WDR53: variants seen among roughly 807,000 people sequenced by gnomAD.
The protein encoded by WDR53 is WD repeat domain 53, also known as WD repeat-containing protein 53.
WDR53 carries 19 observed loss-of-function variants against 21.3 expected under a neutral mutation model. The ratio of observed to expected loss-of-function variants is 0.89; its 90% CI spans 0.62 to 1.31. WDR53 has a LOEUF of 1.31. WDR53 is among the 50% of genes most tolerant of loss of function. WDR53 has a pLI of 0.00. For missense variants in WDR53, 374 were observed against 423.2 expected, an observed-to-expected ratio of 0.88 and a Z score of 1.02; for synonymous variants, 157 against 163.4, an observed-to-expected ratio of 0.96 and a Z score of 0.30.
At chr3:196,561,632 A>C in intron 2 of WDR53, 141 bp from the exon 3 acceptor site, 1 of 962,134 alleles carries the variant, frequency 1.0e-6, no homozygotes, top group Non-Finnish European at 1.4e-6. Flanking sequence ...TAAAAAAAAA[A>C]AAGACACTTA....
At chr3:196,554,874 T>G (rs1270740086) in intron 3 of WDR53, 67 bp from the exon 4 acceptor site, 2 of 1,304,380 alleles carry the variant, frequency 1.5e-6, no homozygotes, top group East Asian at 4.6e-5. Flanking sequence ...ATCATGCTTA[T>G]TCAGCTTCTA....
intron 1 of WDR53, 92 bp downstream of exon 1, chr3:196,568,427 G>C (rs568776826): frequency 8.5e-5 from 13 of 153,298 alleles, no homozygotes; most frequent in Admixed American, 7.8e-4. Context: ...AGCAGACGCG[G>C]AGCCACCAGA....
intron 2 of WDR53, among the ~76,000 whole-genome samples, chr3:196,565,551 G>A (rs1302850050): frequency 6.8e-6 from 1 of 146,582 alleles, no homozygotes; most frequent in Non-Finnish European, 1.5e-5. Flanking sequence ...CTGGGTGAGA[G>A]TCGGGGTGAG....
chr3:196,559,662 C>G (rs1312439166), intron 3 of WDR53, among the ~76,000 whole-genome samples: 1 of 152,138 alleles, frequency 6.6e-6, no homozygotes, highest in African/African-American at 2.4e-5. Context: ...AGATTAAATG[C>G]CTGAACAGTG....
chr3:196,557,371 C>G (rs1734422453), intron 3 of WDR53, among the ~76,000 whole-genome samples: 1 of 152,134 alleles, frequency 6.6e-6, no homozygotes, highest in Non-Finnish European at 1.5e-5. Flanking sequence ...GGAGCCAGCC[C>G]TCCTCTGCAG....
intron 2 of WDR53, among the ~76,000 whole-genome samples, chr3:196,562,554 GC>G (rs1296264307): frequency 6.6e-6 from 1 of 152,104 alleles, no homozygotes; most frequent in African/African-American, 2.4e-5. Context: ...GAGCCACCAC[GC>G]CCGGCTGCAA....
intron 3 of WDR53, among the ~76,000 whole-genome samples, chr3:196,556,481 T>C (rs895205696): frequency 3.3e-5 from 5 of 151,844 alleles, no homozygotes; most frequent in South Asian, 2.1e-4. Context: ...ACAGTGAAAC[T>C]GCATCTCTAC....
chr3:196,564,536 T>C (rs1735198740), intron 2 of WDR53, among the ~76,000 whole-genome samples: 1 of 151,520 alleles, frequency 6.6e-6, no homozygotes, highest in African/African-American at 2.4e-5. Context: ...ATTTTTTGTA[T>C]TTTTTTTGTA....
chr3:196,557,138 G>C (rs1213675366), intron 3 of WDR53, among the ~76,000 whole-genome samples: 1 of 152,204 alleles, frequency 6.6e-6, no homozygotes, highest in Non-Finnish European at 1.5e-5. Context: ...AAAAAGTGGG[G>C]AACCAGCAAA....
rs1249849205 is a variant in WDR53 at position 196,554,561 on chromosome 3, C to T, written c.727G>A (p.Gly243Arg). 14 of 1,614,120 alleles carry T rather than the reference C, an allele frequency of 8.7e-6. No individual in the cohort carries two copies. Among genetic ancestry groups the T allele is most frequent in the Non-Finnish European group, 1.2e-5 (14 of 1,179,994 alleles). The change falls in exon 4 of 4, where the codon GGG becomes AGG. Residue 243 changes from glycine to arginine, a missense_variant. By Grantham distance (125) the Gly-to-Arg change is moderately radical. Transcript: ENST00000332629. ...GGGAGAAAGCAGACCTGGGATACCC[C>T]TGAAGTGTGGCCCTTAAATCCCAGT... ...QELGFKGHTS[G>R]VSQVCFLPES... is the part of the protein sequence containing the mutation.
Position 196,554,566 on chromosome 3 carries a change from G to A in WDR53, c.722C>T (p.Thr241Ile). 1.9e-6 allele frequency: 3 copies of A among 1,614,074 alleles called. No homozygotes were observed. The highest frequency in any genetic ancestry group is 2.5e-6 in the Non-Finnish European group (3 of 1,179,962). The change falls in exon 4 of 4, where the codon ACT (threonine) becomes ATT (isoleucine). Residue 241 changes from threonine (T) to isoleucine (I), a missense_variant. By Grantham distance (89) the Thr-to-Ile change is moderately conservative. Coordinates refer to ENST00000332629, the MANE Select transcript of WDR53 (RefSeq NM_182627.3). ...CEQELGFKGH[T>I]SGVSQVCFLP... Reference sequence around the variant, plus strand: ...AAAGCAGACCTGGGATACCCCTGAAGTGTGGCCCTTAAATCCCAGTTCCTG... The same window carrying A: ...AAAGCAGACCTGGGATACCCCTGAAATGTGGCCCTTAAATCCCAGTTCCTG...
intron 2 of WDR53, among the ~76,000 whole-genome samples, chr3:196,564,962 T>C (rs1450981012): frequency 6.6e-6 from 1 of 152,190 alleles, no homozygotes; most frequent in African/African-American, 2.4e-5. Context: ...TTTAATTCTT[T>C]TCTAGAAAAG....
chr3:196,564,551 T>C (rs143298872), intron 2 of WDR53, among the ~76,000 whole-genome samples: 1 of 151,696 alleles, frequency 6.6e-6, no homozygotes, highest in East Asian at 1.9e-4. Flanking sequence ...TTTGTAGAGA[T>C]GAGGTTTCCC....
intron 2 of WDR53, among the ~76,000 whole-genome samples, chr3:196,562,348 G>A (rs879122164): frequency 1.3e-5 from 2 of 152,090 alleles, no homozygotes; most frequent in Non-Finnish European, 2.9e-5. Flanking sequence ...TGCAACCTCC[G>A]CCTCCCGGGT....
At chr3:196,562,297 C>T (rs535751593) in intron 2 of WDR53, among the ~76,000 whole-genome samples, 4 of 152,126 alleles carry the variant, frequency 2.6e-5, no homozygotes, top group South Asian at 4.1e-4. Context: ...GTCTCGCTGC[C>T]GTTAGCCCGG....
At chr3:196,564,864 C>T (rs1577579916) in intron 2 of WDR53, among the ~76,000 whole-genome samples, 1 of 152,310 alleles carries the variant, frequency 6.6e-6, no homozygotes, top group South Asian at 2.1e-4. Flanking sequence ...GTTTCTAGTG[C>T]TCCTGTTTCT....
At chr3:196,555,055 T>C (rs73081008) in intron 3 of WDR53, among the ~76,000 whole-genome samples, 2,639 of 152,210 alleles carry the variant, frequency 0.017, 77 homozygotes, top group African/African-American at 0.061. Context: ...ATTAATAAAC[T>C]CCATTAAAGT....
Position 196,561,173 on chromosome 3 carries a change from T to C in WDR53, c.303A>G (p.Ser101=). 3 of 1,614,238 alleles carry C rather than the reference T, an allele frequency of 1.9e-6. No homozygotes were observed. Among genetic ancestry groups the C allele is most frequent in the Non-Finnish European group, 1.7e-6 (2 of 1,180,044 alleles). Residue 101 remains serine (S), a synonymous_variant, in exon 3 of 4, where the codon TCA becomes TCG. Coordinates refer to ENST00000332629, the MANE Select transcript of WDR53 (RefSeq NM_182627.3). The part of the protein sequence containing the change: ...HVNEEEINCL[S]LNQTENLLAS... ...CCAGCAGGTTTTCCGTTTGATTCAA[T>C]GAAAGACAATTGATTTCTTCTTCAT...
chr3:196,556,192 C>T lies in WDR53; in HGVS notation c.481-1385G>A, dbSNP rs143075342. 2.0e-5 allele frequency among the ~76,000 whole-genome samples: 3 copies of T among 152,134 alleles called. No homozygotes were observed. In the East Asian group the frequency reaches 5.8e-4, roughly 29 times the overall value. ...TCCCAAGTAGATGGGACTACAGGCG[C>T]ATGCTACCACACCCAGCTAATTTTT... On this transcript the variant is annotated intron_variant, in intron 3 of 3. Transcript: ENST00000332629.
Sources: allele counts gnomAD v4.1 joint callset (sites outside exome capture counted in the v4.1 genomes callset), GRCh38; gene constraint gnomAD v4.1.1; transcripts MANE v1.5; gene names NCBI Gene and HGNC (gene_info 2026-07-23, HGNC 2026-07-21).